Variants in CNTNAP5 observed in about 807,000 individuals in gnomAD.
CNTNAP5 encodes the protein contactin-associated protein-like 5.
A neutral mutation model predicts 150.2 loss-of-function variants in CNTNAP5; 72 were observed. The observed-to-expected ratio is 0.48, with a 90% CI of 0.40 to 0.58. CNTNAP5 has a LOEUF of 0.58. Ranked by LOEUF, CNTNAP5 falls within the 20% of genes least tolerant of loss-of-function variation. CNTNAP5 has a pLI of 0.00. For synonymous variants in CNTNAP5, 672 were observed against 619.8 expected (o/e 1.08, Z -1.25); for missense variants, 1,636 against 1,626.2 (o/e 1.01, Z -0.10).
chr2:124,352,087 CA>C (rs1689885481), intron 3 of CNTNAP5, among the ~76,000 whole-genome samples: 1 of 151,760 alleles, frequency 6.6e-6, no homozygotes, highest in Non-Finnish European at 1.5e-5. Flanking sequence ...CACGAATGAC[CA>C]GTGCACTTTT....
At chr2:124,236,536 A>T (rs1416474596) in intron 2 of CNTNAP5, among the ~76,000 whole-genome samples, 1 of 152,188 alleles carries the variant, frequency 6.6e-6, no homozygotes, top group Non-Finnish European at 1.5e-5. Context: ...TATTACTCTT[A>T]CACATACTGC....
chr2:124,419,960 T>TCTTTCTTTCTTTCTTTCCTTTTCTC, intron 4 of CNTNAP5, among the ~76,000 whole-genome samples: 1 of 16,966 alleles, frequency 5.9e-5, no homozygotes, highest in Non-Finnish European at 1.2e-4. Context: ...TTCTTTCCTT[T>TCTTTCTTTCTTTCTTTCCTTTTCTC]TCTCTCTCTC....
intron 16 of CNTNAP5, 33 bp from the exon 17 acceptor site, chr2:124,772,766 C>T: frequency 6.4e-7 from 1 of 1,568,128 alleles, no homozygotes. Flanking sequence ...TAACAACTCC[C>T]TCTATCCTTC....
intron 3 of CNTNAP5, among the ~76,000 whole-genome samples, chr2:124,266,791 G>C (rs1030911550): frequency 3.3e-5 from 5 of 152,142 alleles, no homozygotes; most frequent in African/African-American, 1.2e-4. Context: ...AGCCCCGTCA[G>C]CCAATTAGGA....
chr2:124,218,287 C>T (rs1686213111), intron 1 of CNTNAP5, among the ~76,000 whole-genome samples: 1 of 152,100 alleles, frequency 6.6e-6, no homozygotes, highest in South Asian at 2.1e-4. Flanking sequence ...CAAAAATAGG[C>T]TTCCATTCCC....
At chr2:124,576,259 G>T (rs887103972) in intron 11 of CNTNAP5, among the ~76,000 whole-genome samples, 1 of 152,088 alleles carries the variant, frequency 6.6e-6, no homozygotes, top group Non-Finnish European at 1.5e-5. Context: ...TGTTAACGGA[G>T]GAGTTGTCAA....
At chr2:124,242,518 A>C (rs1686913243) in intron 3 of CNTNAP5, 125 bp downstream of exon 3, 1 of 917,840 alleles carries the variant, frequency 1.1e-6, no homozygotes, top group Admixed American at 2.7e-5. Context: ...GCCCATTAGA[A>C]ATAATTAGAC....
At chr2:124,787,715 G>C (rs76268596) in intron 17 of CNTNAP5, among the ~76,000 whole-genome samples, 2 of 151,920 alleles carry the variant, frequency 1.3e-5, no homozygotes, top group East Asian at 3.9e-4. Context: ...CCCACCATTG[G>C]GCCAGTCTGA....
At chr2:124,390,623 G>T (rs943589677) in intron 3 of CNTNAP5, among the ~76,000 whole-genome samples, 1 of 152,144 alleles carries the variant, frequency 6.6e-6, no homozygotes, top group African/African-American at 2.4e-5. Context: ...TAGTAGCTGA[G>T]GCAAAAATGG....
chr2:124,357,135 C>T (rs1382596297), intron 3 of CNTNAP5, among the ~76,000 whole-genome samples: 1 of 151,960 alleles, frequency 6.6e-6, no homozygotes, highest in East Asian at 1.9e-4. Context: ...TGTCCTTCGC[C>T]CACTTTTTGA....
intron 3 of CNTNAP5, among the ~76,000 whole-genome samples, chr2:124,264,742 G>A (rs182430158): frequency 2.2e-4 from 33 of 152,290 alleles, no homozygotes; most frequent in Admixed American, 8.5e-4. Context: ...GGCTTTGCTC[G>A]CATGCCAGAG....
intron 13 of CNTNAP5, among the ~76,000 whole-genome samples, chr2:124,669,839 T>G (rs190722276): frequency 6.6e-6 from 1 of 152,316 alleles, no homozygotes; most frequent in Admixed American, 6.5e-5. Context: ...GATGCAAAAC[T>G]TAAGCACTGT....
chr2:124,336,421 C>T (rs1320166094), intron 3 of CNTNAP5, among the ~76,000 whole-genome samples: 4 of 151,796 alleles, frequency 2.6e-5, no homozygotes, highest in Non-Finnish European at 4.4e-5. Flanking sequence ...ATGTGCATAA[C>T]GTGCAGGTTT....
intron 13 of CNTNAP5, among the ~76,000 whole-genome samples, chr2:124,731,783 TGTGA>T (rs199740504): frequency 0.016 from 2,483 of 151,480 alleles, 80 homozygotes; most frequent in African/African-American, 0.057. Context: ...GGTGTATGAG[TGTGA>T]GTGTGTTTAT....
intron 3 of CNTNAP5, among the ~76,000 whole-genome samples, chr2:124,245,021 C>T (rs1440222461): frequency 1.3e-5 from 2 of 152,076 alleles, no homozygotes; most frequent in African/African-American, 4.8e-5. Context: ...TTTTAGTACA[C>T]TGATTTATTT....
intron 13 of CNTNAP5, among the ~76,000 whole-genome samples, chr2:124,667,754 T>A (rs1483027877): frequency 2.6e-5 from 4 of 152,246 alleles, no homozygotes; most frequent in Non-Finnish European, 4.4e-5. Context: ...TCTTATTTTT[T>A]CTTCCTGCAC....
At chr2:124,723,960 C>T (rs113774669) in intron 13 of CNTNAP5, among the ~76,000 whole-genome samples, 3,343 of 151,940 alleles carry the variant, frequency 0.022, 130 homozygotes, top group African/African-American at 0.076. Flanking sequence ...CCTGGCAAAA[C>T]ATGGTGAAAT....
chr2:124,730,598 A>G (rs1370447939), intron 13 of CNTNAP5, among the ~76,000 whole-genome samples: 1 of 152,054 alleles, frequency 6.6e-6, no homozygotes, highest in Non-Finnish European at 1.5e-5. Context: ...TTATTTAGAA[A>G]ATAACTTTAT....
intron 8 of CNTNAP5, among the ~76,000 whole-genome samples, chr2:124,520,295 A>C (rs76419643): frequency 6.6e-6 from 1 of 152,214 alleles, no homozygotes; most frequent in Non-Finnish European, 1.5e-5. Flanking sequence ...AATTTTTGCT[A>C]TTGTAAATAA....
Sources: gnomAD v4.1 joint callset for allele counts (sites outside exome capture counted in the v4.1 genomes callset) on GRCh38, gnomAD v4.1.1 for gene constraint, MANE v1.5 for transcripts, NCBI Gene and HGNC (gene_info 2026-07-23, HGNC 2026-07-21) for gene names.